DST: variants seen among roughly 807,000 people sequenced by gnomAD.
DST encodes the protein bullous pemphigoid antigen.
Under a neutral mutation model 875.2 loss-of-function variants are expected in DST, and 253 were observed. The observed-to-expected ratio is 0.29, with a 90% CI of 0.26 to 0.32. The LOEUF is 0.32. DST is among the 10% of genes least tolerant of loss of function. DST has a pLI of 1.00. For synonymous variants in DST, 3,124 were observed against 3,197.1 expected (o/e 0.98, Z 0.77); for missense variants, 8,287 against 9,111.6 (o/e 0.91, Z 3.68).
At chr6:56,602,640 T>G (rs1340076461) in intron 43 of DST, among the ~76,000 whole-genome samples, 1 of 151,930 alleles carries the variant, frequency 6.6e-6, no homozygotes, top group Non-Finnish European at 1.5e-5. Flanking sequence ...AATATATAAA[T>G]AAAAATCTCA....
chr6:56,610,420 A>G lies in DST; in HGVS notation c.5283+7T>C. The G allele has an allele frequency of 1.3e-6, 2 of 1,540,622 alleles. No homozygotes were observed. The highest frequency in any genetic ancestry group is 2.5e-5 in the South Asian group (2 of 79,722). On this transcript the variant is annotated splice_region_variant and intron_variant, in intron 39 of 103. Transcript: ENST00000680361. ...AAACAGCCTCATGTTTAAATAAATA[A>G]TATTACCTTCTCCTCTACCTTTACA...
At position 56,606,498 on chromosome 6, in the gene DST, A is replaced by C. The variant is rs896668236; in HGVS notation, c.8130T>G (p.Pro2710=). The change falls in exon 40 of 104, where the codon CCT becomes CCG. Residue 2710 remains proline (P), a synonymous_variant. Coordinates refer to ENST00000680361, the MANE Select transcript of DST (RefSeq NM_001374736.1). ...LDSGEKIHLN[P]VGSDKVNGQS... is the part of the protein sequence containing the mutation. ...GTCCATTCACCTTATCTGAGCCAACAGGATTTAAATGTATTTTTTCACCAG... is the reference window on the plus strand; with the variant it reads ...GTCCATTCACCTTATCTGAGCCAACCGGATTTAAATGTATTTTTTCACCAG... The C allele has an allele frequency of 1.2e-6, 2 of 1,613,386 alleles. No homozygotes were observed. The highest frequency in any genetic ancestry group is 2.2e-5 in the South Asian group (2 of 91,066).
chr6:56,460,296 T>C (rs2094261843), intron 102 of DST, 42 bp from the exon 103 acceptor site: 2 of 1,609,090 alleles, frequency 1.2e-6, no homozygotes, highest in East Asian at 2.2e-5. Context: ...ATATTGCTCC[T>C]GTACCATGAT....
At chr6:56,890,965 G>A (rs540487435) in intron 3 of DST, among the ~76,000 whole-genome samples, 5 of 152,252 alleles carry the variant, frequency 3.3e-5, no homozygotes, top group Admixed American at 1.3e-4. Flanking sequence ...ATGGCAACAC[G>A]TCATAACACT....
chr6:56,827,020 A>G (rs13190854), intron 4 of DST, among the ~76,000 whole-genome samples: 23,600 of 152,148 alleles, frequency 0.16, 2,072 homozygotes, highest in Non-Finnish European at 0.18. Flanking sequence ...AACTACTCCT[A>G]GTTTTTTAAA....
At chr6:56,837,862 T>G (rs1340006024) in intron 4 of DST, among the ~76,000 whole-genome samples, 1 of 150,834 alleles carries the variant, frequency 6.6e-6, no homozygotes, top group Non-Finnish European at 1.5e-5. Flanking sequence ...GCTTCTTCTT[T>G]TGGGAGAGAT....
Position 56,492,930 on chromosome 6 carries a change from A to C in DST, c.20550+4T>G. 1 of 1,600,992 alleles carries C rather than the reference A, an allele frequency of 6.2e-7. No homozygotes were observed. The highest frequency in any genetic ancestry group is 8.5e-7 in the Non-Finnish European group (1 of 1,173,668). ...GAATCCTATCTATTTGACTCACTAC[A>C]TACCTTGTGTTCGTCAATTTGAAAT... On this transcript the variant is annotated splice_donor_region_variant and intron_variant, in intron 84 of 103. Coordinates refer to ENST00000680361, the MANE Select transcript of DST (RefSeq NM_001374736.1).
At chr6:56,941,724 T>C (rs552438118) in intron 2 of DST, among the ~76,000 whole-genome samples, 2 of 152,310 alleles carry the variant, frequency 1.3e-5, no homozygotes, top group South Asian at 4.2e-4. Context: ...CAAATGATCC[T>C]ACTACCTCGG....
chr6:56,905,203 CA>C (rs1258450696), intron 2 of DST, among the ~76,000 whole-genome samples: 46 of 151,962 alleles, frequency 3.0e-4, no homozygotes, highest in Admixed American at 3.0e-3. Flanking sequence ...AATCATTTCC[CA>C]AGATGTGCAC....
intron 10 of DST, among the ~76,000 whole-genome samples, chr6:56,659,222 G>A (rs1171306280): frequency 6.6e-6 from 1 of 152,150 alleles, no homozygotes; most frequent in Non-Finnish European, 1.5e-5. Flanking sequence ...AGGAGATATT[G>A]AGAAAGTCAA....
At chr6:56,764,603 C>G (rs899017801) in intron 4 of DST, among the ~76,000 whole-genome samples, 2 of 151,974 alleles carry the variant, frequency 1.3e-5, no homozygotes, top group Non-Finnish European at 2.9e-5. Context: ...AGAAGACATT[C>G]AAATATTTAT....
At chr6:56,464,536 A>G in intron 100 of DST, 149 bp downstream of exon 100, 1 of 635,332 alleles carries the variant, frequency 1.6e-6, no homozygotes, top group South Asian at 2.0e-5. Flanking sequence ...TTCAGAATTT[A>G]AATTTGGAAG....
chr6:56,578,675 G>T, intron 50 of DST, 139 bp downstream of exon 50: 1 of 835,968 alleles, frequency 1.2e-6, no homozygotes, highest in Non-Finnish European at 1.8e-6. Flanking sequence ...CCTTTTCCCA[G>T]ATGCAGGAAC....
At position 56,608,093 on chromosome 6, in the gene DST, C is replaced by T. The variant is rs181081287; in HGVS notation, c.6535G>A (p.Glu2179Lys). Residue 2179 changes from glutamate (E) to lysine (K), a missense_variant, in exon 40 of 104, where the codon GAA (glutamate) becomes AAA (lysine). Around this residue, in one of 10 missense-constraint regions of DST, gnomAD observed 3,138 missense variants for 3,116.6 expected, o/e 1.01. Coordinates refer to ENST00000680361, the MANE Select transcript of DST (RefSeq NM_001374736.1). ...TCTTCTCCATCAAAAACATCCTCTT[C>T]TTGTCTGTAATCATGAACTGTGGAG... ...QPSTVHDYRQ[E>K]EDVFDGEEPV... 1.2e-6 allele frequency: 2 copies of T among 1,613,672 alleles called. No homozygotes were observed. Among genetic ancestry groups the T allele is most frequent in the Non-Finnish European group, 1.7e-6 (2 of 1,179,762 alleles).
intron 4 of DST, among the ~76,000 whole-genome samples, chr6:56,781,802 G>C (rs1052059118): frequency 2.0e-5 from 3 of 152,062 alleles, no homozygotes; most frequent in Admixed American, 2.0e-4. Flanking sequence ...TCTTGTGCCA[G>C]TTTTCAAAGG....
chr6:56,463,458 G>A, intron 101 of DST, 107 bp downstream of exon 101: 1 of 1,078,896 alleles, frequency 9.3e-7, no homozygotes. Flanking sequence ...GTGCACAAAT[G>A]GAGATAGCTG....
chr6:56,781,334 T>C (rs1439934162), intron 4 of DST, among the ~76,000 whole-genome samples: 1 of 152,220 alleles, frequency 6.6e-6, no homozygotes, highest in Non-Finnish European at 1.5e-5. Context: ...TTTCAAGATA[T>C]TGATTCTTCC....
At chr6:56,478,768 T>C (rs1427341955) in intron 90 of DST, among the ~76,000 whole-genome samples, 1 of 152,204 alleles carries the variant, frequency 6.6e-6, no homozygotes, top group Non-Finnish European at 1.5e-5. Flanking sequence ...CCCATGCTAC[T>C]CACACTATGT....
At chr6:56,844,886 CAG>C (rs2099805457) in intron 4 of DST, among the ~76,000 whole-genome samples, 2 of 131,630 alleles carry the variant, frequency 1.5e-5, no homozygotes, top group Non-Finnish European at 3.4e-5. Context: ...AAAAAAAAAA[CAG>C]TGAAGTCAGG....
Sources: allele counts gnomAD v4.1 joint callset (sites outside exome capture counted in the v4.1 genomes callset), GRCh38; gene constraint gnomAD v4.1.1; regional missense constraint gnomAD v4.1.1; transcripts MANE v1.5; gene names NCBI Gene and HGNC (gene_info 2026-07-23, HGNC 2026-07-21).